The following MYL10 variants were observed in gnomAD, a reference collection of about 807,000 sequenced individuals.
The protein encoded by MYL10 is myosin light chain 10.
In MYL10, 18 loss-of-function variants were observed where a neutral mutation model predicts 21.9. The observed-to-expected ratio is 0.82, with a 90% CI of 0.57 to 1.22. The LOEUF (loss-of-function observed/expected upper bound fraction) is 1.22. Among genes scored for constraint, MYL10 ranks in the 50% most tolerant of loss-of-function variants. The pLI, the probability that MYL10 is intolerant of heterozygous loss-of-function variation, is 0.00. For synonymous variants in MYL10, 88 were observed against 82.8 expected (o/e 1.06, Z -0.34); for missense variants, 225 against 230.4 (o/e 0.98, Z 0.15).
intron 5 of MYL10, among the ~76,000 whole-genome samples, chr7:101,619,977 AT>A (rs1796657858): frequency 6.6e-6 from 1 of 152,012 alleles, no homozygotes; most frequent in Admixed American, 6.6e-5. Context: ...TAAGTTAAGC[AT>A]CTTGAGATGC....
At chr7:101,614,669 G>A (rs1796587984) in intron 6 of MYL10, among the ~76,000 whole-genome samples, 1 of 152,158 alleles carries the variant, frequency 6.6e-6, no homozygotes, top group Non-Finnish European at 1.5e-5. Context: ...CCGAGGGAGG[G>A]GTGAAGGGGA....
At chr7:101,619,547 T>C (rs1219634849) in intron 5 of MYL10, among the ~76,000 whole-genome samples, 2 of 152,150 alleles carry the variant, frequency 1.3e-5, no homozygotes, top group Non-Finnish European at 2.9e-5. Context: ...ACCTGTGATG[T>C]CAGGTCGGAT....
At chr7:101,621,440 A>G (rs2130740090) in intron 5 of MYL10, among the ~76,000 whole-genome samples, 1 of 151,966 alleles carries the variant, frequency 6.6e-6, no homozygotes, top group East Asian at 1.9e-4. Flanking sequence ...TCTTTTGGAA[A>G]CACCCTCCCT....
At chr7:101,616,096 G>A (rs1796605987) in intron 6 of MYL10, 124 bp downstream of exon 6, 1 of 715,954 alleles carries the variant, frequency 1.4e-6, no homozygotes, top group South Asian at 1.7e-5. Context: ...GATATCACTG[G>A]GCTGGGCAGC....
At chr7:101,623,454 G>A (rs1348947163) in intron 3 of MYL10, among the ~76,000 whole-genome samples, 1 of 152,176 alleles carries the variant, frequency 6.6e-6, no homozygotes, top group Non-Finnish European at 1.5e-5. Context: ...CAGCAATTTG[G>A]GAGGCAGAGG....
At chr7:101,621,648 G>C (rs908610422) in intron 5 of MYL10, among the ~76,000 whole-genome samples, 4 of 152,010 alleles carry the variant, frequency 2.6e-5, no homozygotes, top group Non-Finnish European at 5.9e-5. Flanking sequence ...GAGTGCAGTG[G>C]TGCGATCTCG....
At chr7:101,626,639 CAGAGGTGCCA>C (rs1356203584) in intron 1 of MYL10, among the ~76,000 whole-genome samples, 1 of 152,132 alleles carries the variant, frequency 6.6e-6, no homozygotes, top group Non-Finnish European at 1.5e-5. Flanking sequence ...CTCGGAGCTC[CAGAGGTGCCA>C]CGCTGCCCCA....
rs115464292 is a variant in MYL10, at chr7:101,615,289, C to T, written c.533+931G>A. Among the ~76,000 whole-genome samples the T allele has an allele frequency of 3.6e-3, 550 of 152,210 alleles. 1 individual carries two copies. The highest frequency in any genetic ancestry group is 0.012 in the African/African-American group (494 of 41,540). On this transcript the variant is annotated intron_variant, in intron 6 of 7. Coordinates refer to ENST00000223167, the MANE Select transcript of MYL10 (RefSeq NM_138403.5). ...GCCCCTGGCTCTTTGCTTATCTGTC[C>T]GCCCGACTCCATCTCGACGGCCATG...
At chr7:101,618,687 G>A (rs1333779960) in intron 5 of MYL10, among the ~76,000 whole-genome samples, 5 of 152,150 alleles carry the variant, frequency 3.3e-5, no homozygotes, top group Non-Finnish European at 5.9e-5. Context: ...GTGAGGCGGC[G>A]CCGGCCCCAG....
At chr7:101,628,752 C>T (rs1377894043) in intron 1 of MYL10, among the ~76,000 whole-genome samples, 2 of 152,224 alleles carry the variant, frequency 1.3e-5, no homozygotes, top group African/African-American at 2.4e-5. Context: ...AGGCAGTGAG[C>T]CCACGGGTCC....
intron 6 of MYL10, among the ~76,000 whole-genome samples, chr7:101,615,734 G>A (rs1464177685): frequency 5.9e-5 from 8 of 135,010 alleles, no homozygotes; most frequent in African/African-American, 1.7e-4. Context: ...TCACTCTGTC[G>A]CCCAGTCTGG....
At chr7:101,628,473 G>C (rs1796771693) in intron 1 of MYL10, among the ~76,000 whole-genome samples, 1 of 152,068 alleles carries the variant, frequency 6.6e-6, no homozygotes, top group Admixed American at 6.6e-5. Context: ...AAAGAAAACA[G>C]AAAACTGGAG....
In MYL10 at chr7:101,624,267, G is replaced by A. The variant is rs756121304; in HGVS notation, c.79-3C>T. The A allele has an allele frequency of 3.7e-6, 6 of 1,611,102 alleles. No homozygotes were observed. In the African/African-American group the frequency reaches 8.0e-5, roughly 22 times the overall value. ...CTTTTCCGAGCTCTTCTCGGTGCCT[G>A]CGAGGTAGCAGACAAGGCCTTGCAG... On this transcript the variant is annotated splice_region_variant and splice_polypyrimidine_tract_variant and intron_variant, in intron 1 of 7. Transcript: ENST00000223167.
intron 5 of MYL10, among the ~76,000 whole-genome samples, chr7:101,620,665 C>G (rs1370778447): frequency 8.5e-5 from 13 of 152,074 alleles, no homozygotes; most frequent in Non-Finnish European, 1.2e-4. Context: ...AGGGTCTGAC[C>G]CTAGGCCTAG....
chr7:101,615,500 C>T (rs955429088), intron 6 of MYL10, among the ~76,000 whole-genome samples: 3 of 150,298 alleles, frequency 2.0e-5, no homozygotes, highest in East Asian at 2.0e-4. Flanking sequence ...ACACCACCTC[C>T]ACCCGCACCC....
chr7:101,624,473 C>A (rs546078598), intron 1 of MYL10, among the ~76,000 whole-genome samples: 2 of 152,332 alleles, frequency 1.3e-5, no homozygotes, highest in East Asian at 3.9e-4. Context: ...ACGGCGTGCA[C>A]CCCCACAGAG....
At position 101,616,114 on chromosome 7, in the gene MYL10, C is replaced by A. The variant is rs1236035256; in HGVS notation, c.533+106G>T. ...ATCACTGGGCTGGGCAGCGGCCCCC[C>A]AGCTCCTGGCTTCTGGGAGAGGAGA... On this transcript the variant is annotated intron_variant, in intron 6 of 7. Transcript: ENST00000223167. The A allele has an allele frequency of 6.8e-6, 6 of 887,628 alleles. No homozygotes were observed. In the African/African-American group the frequency reaches 8.1e-5, roughly 12 times the overall value. The allele number at this position is 887,628 out of a possible 1,614,324, so 55.0% of individuals were successfully genotyped here. A position where few individuals can be genotyped will look rare whatever the true frequency, so the allele number is the denominator to read the frequency against.
chr7:101,613,407 C>T lies in MYL10; in HGVS notation c.*68G>A. Reference sequence around the variant, plus strand: ...GCCTTTTTCCTGCAGCCTCTGGCTGCAAGAGCTCCCTGTCACACCCCACAA... The same window carrying T: ...GCCTTTTTCCTGCAGCCTCTGGCTGTAAGAGCTCCCTGTCACACCCCACAA... On this transcript the variant is annotated 3_prime_UTR_variant, in exon 8 of 8. Coordinates refer to ENST00000223167, the MANE Select transcript of MYL10 (RefSeq NM_138403.5). The T allele has an allele frequency of 7.3e-7, 1 of 1,374,608 alleles. No individual in the cohort carries two copies. The highest frequency in any genetic ancestry group is 1.0e-6 in the Non-Finnish European group (1 of 964,556). The allele number at this position is 1,374,608 out of a possible 1,614,324, so 85.2% of individuals were successfully genotyped here. A position where few individuals can be genotyped will look rare whatever the true frequency, so the allele number is the denominator to read the frequency against.
At chr7:101,625,430 A>C (rs1269592528) in intron 1 of MYL10, among the ~76,000 whole-genome samples, 2 of 152,110 alleles carry the variant, frequency 1.3e-5, no homozygotes, top group African/African-American at 4.8e-5. Context: ...TCCCACCACC[A>C]GCTCCTGTCT....
Sources: gnomAD v4.1 joint callset for allele counts (sites outside exome capture counted in the v4.1 genomes callset) on GRCh38, gnomAD v4.1.1 for gene constraint, MANE v1.5 for transcripts, NCBI Gene and HGNC (gene_info 2026-07-23, HGNC 2026-07-21) for gene names.